CACNA2D1: variants seen among roughly 807,000 people sequenced by gnomAD.
CACNA2D1 encodes the protein voltage-dependent calcium channel subunit alpha-2/delta-1.
Under a neutral mutation model 171.5 loss-of-function variants are expected in CACNA2D1, and 53 were observed. That is an observed-to-expected ratio of 0.31 (90% CI 0.25 to 0.39). CACNA2D1 has a LOEUF of 0.39. CACNA2D1 is among the 10% of genes least tolerant of loss of function. The pLI is 1.00. For missense variants in CACNA2D1, 903 were observed against 1,299.8 expected (o/e 0.69, Z 4.69); for synonymous variants, 442 against 443.1 (o/e 1.00, Z 0.03).
At chr7:82,204,863 C>T (rs1459431031) in intron 3 of CACNA2D1, among the ~76,000 whole-genome samples, 4 of 152,244 alleles carry the variant, frequency 2.6e-5, no homozygotes, top group Admixed American at 2.6e-4. Context: ...CAAGAATAGG[C>T]CAAGGCAGAC....
intron 6 of CACNA2D1, among the ~76,000 whole-genome samples, chr7:82,109,851 T>C (rs1788171378): frequency 6.6e-6 from 1 of 152,180 alleles, no homozygotes; most frequent in Non-Finnish European, 1.5e-5. Context: ...CTCCTTTGAT[T>C]GTAAAGAAGT....
At chr7:82,217,634 TCACA>T (rs71522607) in intron 3 of CACNA2D1, among the ~76,000 whole-genome samples, 7,874 of 140,048 alleles carry the variant, frequency 0.056, 230 homozygotes, top group East Asian at 0.076. Context: ...TGGCACAGTT[TCACA>T]CACACACACA....
chr7:82,213,582 TAATG>T lies in CACNA2D1; in HGVS notation c.295-42977_295-42974del, dbSNP rs554392548. On this transcript the variant is annotated intron_variant, in intron 3 of 38. Transcript: ENST00000356860. ...ACCTGCTTTCAATTAAATAATAGAA[TAATG>T]CACACCTAAAATACAAATTTGATTA... is the stretch of plus-strand genomic sequence containing the variant. 4.2e-4 allele frequency among the ~76,000 whole-genome samples: 64 copies of T among 152,336 alleles called. 1 individual carries two copies. In the East Asian group the frequency reaches 0.011, roughly 27 times the overall value.
chr7:82,378,674 T>C (rs1202106627), intron 1 of CACNA2D1, among the ~76,000 whole-genome samples: 1 of 152,164 alleles, frequency 6.6e-6, no homozygotes, highest in East Asian at 1.9e-4. Flanking sequence ...AAATTATTAG[T>C]TACTCTTCCT....
intron 3 of CACNA2D1, among the ~76,000 whole-genome samples, chr7:82,320,428 G>A (rs1471913647): frequency 6.6e-6 from 1 of 152,008 alleles, no homozygotes; most frequent in East Asian, 1.9e-4. Context: ...GTGGTTTTGA[G>A]GGAGACAGGG....
chr7:82,270,068 G>A lies in CACNA2D1; in HGVS notation c.294+65067C>T, dbSNP rs530887922. Among the ~76,000 whole-genome samples, 3 of 152,230 alleles carry A rather than the reference G, an allele frequency of 2.0e-5. No individual in the cohort carries two copies. In the East Asian group the frequency reaches 5.8e-4, roughly 29 times the overall value. ...TCTGCATCATTGTTCTGCCCTTCTGGTTTCCATATCTTGAATTCCAGCTTT... is the reference window on the plus strand; with the variant it reads ...TCTGCATCATTGTTCTGCCCTTCTGATTTCCATATCTTGAATTCCAGCTTT... On this transcript the variant is annotated intron_variant, in intron 3 of 38. Coordinates refer to ENST00000356860, the MANE Select transcript of CACNA2D1 (RefSeq NM_000722.4).
intron 4 of CACNA2D1, among the ~76,000 whole-genome samples, chr7:82,157,478 G>A (rs1359955043): frequency 6.6e-6 from 1 of 151,924 alleles, no homozygotes; most frequent in African/African-American, 2.4e-5. Context: ...AAGAAACTTC[G>A]AGGATTAAAA....
chr7:82,045,326 T>C (rs1804430019), intron 10 of CACNA2D1, among the ~76,000 whole-genome samples: 1 of 152,174 alleles, frequency 6.6e-6, no homozygotes, highest in South Asian at 2.1e-4. Context: ...TATTAATTTT[T>C]GTGTAGTTCT....
chr7:82,390,608 A>T (rs1388717730), intron 1 of CACNA2D1, among the ~76,000 whole-genome samples: 2 of 152,158 alleles, frequency 1.3e-5, no homozygotes, highest in Admixed American at 1.3e-4. Context: ...AAAGTGGTTT[A>T]TGGAGCCATT....
chr7:82,206,924 T>A (rs898766287), intron 3 of CACNA2D1, among the ~76,000 whole-genome samples: 1 of 152,138 alleles, frequency 6.6e-6, no homozygotes. Context: ...CATATAACAT[T>A]AGACTCATTT....
rs1491222972 is a variant in CACNA2D1 at position 82,172,640 on chromosome 7, T to TTTTTTTTTTTTTC, written c.295-2032_295-2031insGAAAAAAAAAAAA. ...GCTTTTTTTTTTTTTTTTTTTTTTT[T>TTTTTTTTTTTTTC]GGTAAAGATGGGGTCTCAAACTCCT... On this transcript the variant is annotated intron_variant, in intron 3 of 38. Coordinates refer to ENST00000356860, the MANE Select transcript of CACNA2D1 (RefSeq NM_000722.4). 1.8e-3 allele frequency among the ~76,000 whole-genome samples: 139 copies of TTTTTTTTTTTTTC among 77,276 alleles called. 7 individuals carry two copies. Among genetic ancestry groups the TTTTTTTTTTTTTC allele is most frequent in the African/African-American group, 6.7e-3 (134 of 19,974 alleles). 50.7% of individuals were successfully genotyped at this position (77,276 alleles called of 152,430 possible).
At chr7:82,077,026 C>A (rs542737452) in intron 7 of CACNA2D1, among the ~76,000 whole-genome samples, 93 of 152,214 alleles carry the variant, frequency 6.1e-4, no homozygotes, top group African/African-American at 2.2e-3. Flanking sequence ...AAATCTATTG[C>A]TATTCTATTT....
At chr7:82,369,824 A>G (rs1308607465) in intron 1 of CACNA2D1, among the ~76,000 whole-genome samples, 6 of 152,222 alleles carry the variant, frequency 3.9e-5, no homozygotes, top group Admixed American at 1.3e-4. Flanking sequence ...TGAGAAACTG[A>G]AATCAATTAA....
At chr7:82,017,324 T>A (rs1050982428) in intron 12 of CACNA2D1, among the ~76,000 whole-genome samples, 1 of 152,132 alleles carries the variant, frequency 6.6e-6, no homozygotes, top group Non-Finnish European at 1.5e-5. Flanking sequence ...CCTAGCGCCA[T>A]ACCATTGTTG....
At chr7:82,424,194 A>G (rs1828971540) in intron 1 of CACNA2D1, among the ~76,000 whole-genome samples, 2 of 152,132 alleles carry the variant, frequency 1.3e-5, no homozygotes, top group South Asian at 4.2e-4. Context: ...AAAATCCTGA[A>G]CAAATCAGAC....
In CACNA2D1 at chr7:82,099,723, A is replaced by C. The variant is rs1399840901; in HGVS notation, c.527-14823T>G. 3.5e-5 allele frequency among the ~76,000 whole-genome samples: 2 copies of C among 57,772 alleles called. 1 individual carries two copies. Among genetic ancestry groups the C allele is most frequent in the Non-Finnish European group, 8.7e-5 (2 of 23,074 alleles). The allele number at this position is 57,772 out of a possible 152,430, so 37.9% of individuals were successfully genotyped here. A position where few individuals can be genotyped will look rare whatever the true frequency, so the allele number is the denominator to read the frequency against. On this transcript the variant is annotated intron_variant, in intron 6 of 38. Transcript: ENST00000356860. The stretch of plus-strand genomic sequence containing the variant: ...CTCGGCCTCCCAAAGTGCTGGGATT[A>C]CAGGCGTGAGCCACCGCGCCCGGCC...
intron 3 of CACNA2D1, among the ~76,000 whole-genome samples, chr7:82,213,372 G>A (rs1800762818): frequency 6.6e-6 from 1 of 152,112 alleles, no homozygotes; most frequent in South Asian, 2.1e-4. Flanking sequence ...AGGATCCCTT[G>A]GGTATATTCT....
rs541867022 is a variant in CACNA2D1 at position 82,341,069 on chromosome 7, A to T, written c.178-5818T>A. ...ACGTGGGATGGTTTGTCTGTGGGTT[A>T]TACATTTTTTTTTCCTTTATTAAGT... On this transcript the variant is annotated intron_variant, in intron 2 of 38. Coordinates refer to ENST00000356860, the MANE Select transcript of CACNA2D1 (RefSeq NM_000722.4). Among the ~76,000 whole-genome samples the T allele has an allele frequency of 2.0e-5, 3 of 152,254 alleles. No individual in the cohort carries two copies. The South Asian group carries it at 6.2e-4, about 32-fold the overall frequency.
chr7:82,016,699 C>T (rs1223645852), intron 12 of CACNA2D1, among the ~76,000 whole-genome samples: 1 of 149,282 alleles, frequency 6.7e-6, no homozygotes, highest in East Asian at 2.0e-4. Flanking sequence ...TACATGGACC[C>T]CTCAGAGGTT....
Sources: allele counts gnomAD v4.1 joint callset (sites outside exome capture counted in the v4.1 genomes callset), GRCh38; gene constraint gnomAD v4.1.1; transcripts MANE v1.5; gene names NCBI Gene and HGNC (gene_info 2026-07-23, HGNC 2026-07-21).